MSH3: variants seen among roughly 807,000 people sequenced by gnomAD.
The protein encoded by MSH3 is DNA mismatch repair protein Msh3.
MSH3 carries 106 observed loss-of-function variants against 123.3 expected under a neutral mutation model. The ratio of observed to expected loss-of-function variants is 0.86; its 90% CI spans 0.73 to 1.01. MSH3 has a LOEUF of 1.01. Ranked by LOEUF, MSH3 falls within the 50% of genes least tolerant of loss-of-function variation. The pLI, the probability that MSH3 is intolerant of heterozygous loss-of-function variation, is 0.00. For synonymous variants in MSH3, 515 were observed against 481.4 expected, an observed-to-expected ratio of 1.07 and a Z score of -0.91; for missense variants, 1,459 against 1,347.6, an observed-to-expected ratio of 1.08 and a Z score of -1.29.
chr5:80,867,741 C>T (rs767168991), intron 22 of MSH3, among the ~76,000 whole-genome samples: 1 of 152,148 alleles, frequency 6.6e-6, no homozygotes, highest in Non-Finnish European at 1.5e-5. Context: ...TGAAAAGTAT[C>T]TGTTCATGTC....
At chr5:80,750,042 T>C (rs565934656) in intron 12 of MSH3, among the ~76,000 whole-genome samples, 1 of 150,662 alleles carries the variant, frequency 6.6e-6, no homozygotes, top group African/African-American at 2.4e-5. Context: ...TGATAGAATT[T>C]ACTGCTTTTT....
In MSH3 at chr5:80,672,818, A is replaced by G. The variant is rs1580552301; in HGVS notation, c.987A>G (p.Lys329=). The change falls in exon 6 of 24, where the codon AAA becomes AAG. Residue 329 remains lysine (K), a synonymous_variant. Coordinates refer to ENST00000265081, the MANE Select transcript of MSH3 (RefSeq NM_002439.5). ...ACAGAAGTTCACTCTTTTCCCGGAA[A>G]TTGACTGCCCTTTATACAAAATCTA... ...GDNRSSLFSR[K]LTALYTKSTL... 2 of 1,614,076 alleles carry G rather than the reference A, an allele frequency of 1.2e-6. No homozygotes were observed. Among genetic ancestry groups the G allele is most frequent in the South Asian group, 2.2e-5 (2 of 91,082 alleles).
chr5:80,788,925 A>G (rs1444413375), intron 18 of MSH3, among the ~76,000 whole-genome samples: 3 of 152,100 alleles, frequency 2.0e-5, no homozygotes, highest in Non-Finnish European at 4.4e-5. Context: ...CATAGGTGTC[A>G]TCAGTATGCT....
intron 20 of MSH3, among the ~76,000 whole-genome samples, chr5:80,845,735 G>A (rs1244327098): frequency 1.3e-5 from 2 of 152,152 alleles, no homozygotes; most frequent in African/African-American, 2.4e-5. Flanking sequence ...TTCTCATGCC[G>A]TGGTTTTCAG....
chr5:80,683,813 G>C (rs918111059), intron 8 of MSH3, among the ~76,000 whole-genome samples: 10 of 152,150 alleles, frequency 6.6e-5, no homozygotes, highest in African/African-American at 1.9e-4. Flanking sequence ...TCATTTCATA[G>C]TGTGACATTT....
Position 80,761,546 on chromosome 5 carries a change from G to A in MSH3, c.1764G>A (p.Arg588=), listed in dbSNP as rs1744033286. Residue 588 remains arginine (R), a splice_region_variant and synonymous_variant, in exon 13 of 24, where the codon AGG becomes AGA. Coordinates refer to ENST00000265081, the MANE Select transcript of MSH3 (RefSeq NM_002439.5). The stretch of plus-strand genomic sequence containing the variant: ...TATTGCTATTACTCTTTTCTCACAG[G>A]GAAATAAATGCCCGGCTTGATGCTG... ...KWVTQPLLKL[R]EINARLDAVS... 6.2e-7 allele frequency: 1 copy of A among 1,613,978 alleles called. No homozygotes were observed. The highest frequency in any genetic ancestry group is 2.2e-5 in the East Asian group (1 of 44,874).
intron 12 of MSH3, among the ~76,000 whole-genome samples, chr5:80,745,726 C>A (rs959436737): frequency 1.3e-5 from 2 of 152,232 alleles, no homozygotes; most frequent in African/African-American, 4.8e-5. Context: ...AACACCTCAT[C>A]ACAGCATTGC....
chr5:80,809,478 T>C (rs1481488937), intron 19 of MSH3, among the ~76,000 whole-genome samples: 1 of 152,210 alleles, frequency 6.6e-6, no homozygotes, highest in African/African-American at 2.4e-5. Flanking sequence ...TTCTACAAAA[T>C]AAAAAGTGTA....
intron 21 of MSH3, among the ~76,000 whole-genome samples, chr5:80,854,866 A>G (rs1364622806): frequency 1.3e-5 from 2 of 152,156 alleles, no homozygotes; most frequent in Non-Finnish European, 2.9e-5. Context: ...GTGAACCCTA[A>G]ATCAAGAACA....
At chr5:80,656,103 G>A (rs554149412) in intron 1 of MSH3, among the ~76,000 whole-genome samples, 1 of 152,178 alleles carries the variant, frequency 6.6e-6, no homozygotes, top group South Asian at 2.1e-4. Context: ...TGTAAGTAGG[G>A]TGATTCAAGT....
chr5:80,729,486 TTCTG>T (rs1176293392), intron 10 of MSH3, among the ~76,000 whole-genome samples: 1 of 144,488 alleles, frequency 6.9e-6, no homozygotes, highest in Non-Finnish European at 1.5e-5. Context: ...ATATAAAGAA[TTCTG>T]TCAAATAAAT....
At position 80,751,428 on chromosome 5, in the gene MSH3, C is replaced by G. The variant is rs1170467864; in HGVS notation, c.1763+6813C>G. Among the ~76,000 whole-genome samples the G allele has an allele frequency of 2.0e-5, 3 of 152,124 alleles. 1 individual carries two copies. Among genetic ancestry groups the G allele is most frequent in the Admixed American group, 1.3e-4 (2 of 15,256 alleles). ...AAACAAGCAATGGGGAAAGGATTCTCTATGTGATAAATTTTGCTGGGAAAA... is the reference window on the plus strand; with the variant it reads ...AAACAAGCAATGGGGAAAGGATTCTGTATGTGATAAATTTTGCTGGGAAAA... On this transcript the variant is annotated intron_variant, in intron 12 of 23. Transcript: ENST00000265081.
intron 19 of MSH3, among the ~76,000 whole-genome samples, chr5:80,801,323 G>C (rs1176201855): frequency 2.0e-5 from 3 of 152,194 alleles, no homozygotes; most frequent in Admixed American, 6.5e-5. Flanking sequence ...ACTGGGCATG[G>C]AGACAGGAGG....
chr5:80,773,689 C>T (rs1361827950), intron 15 of MSH3, among the ~76,000 whole-genome samples: 1 of 152,158 alleles, frequency 6.6e-6, no homozygotes, highest in Non-Finnish European at 1.5e-5. Flanking sequence ...GACAACCACA[C>T]AGTTTCTGGG....
At chr5:80,768,738 T>G (rs1203084635) in intron 14 of MSH3, 97 bp from the exon 15 acceptor site, 6 of 1,093,410 alleles carry the variant, frequency 5.5e-6, no homozygotes, top group Non-Finnish European at 8.1e-6. Flanking sequence ...TTTTCTGACT[T>G]CCAGTGCTTT....
At position 80,692,665 on chromosome 5, in the gene MSH3, CAT is replaced by C. The variant is rs995751029; in HGVS notation, c.1340+13573_1340+13574del. On this transcript the variant is annotated intron_variant, in intron 8 of 23. Transcript: ENST00000265081. Reference sequence around the variant, plus strand: ...ATGTTTATATAGATATATATATACACATGTATATGTTTATGTTTATATAGATA... The same window carrying C: ...ATGTTTATATAGATATATATATACACGTATATGTTTATGTTTATATAGATA... Among the ~76,000 whole-genome samples, 48 of 139,982 alleles carry C rather than the reference CAT, an allele frequency of 3.4e-4. No homozygotes were observed. The South Asian group carries it at 9.2e-3, about 27-fold the overall frequency. The allele number at this position is 139,982 out of a possible 152,430, so 91.8% of individuals were successfully genotyped here.
intron 12 of MSH3, among the ~76,000 whole-genome samples, chr5:80,745,758 C>G (rs1204509069): frequency 1.3e-5 from 2 of 152,188 alleles, no homozygotes; most frequent in African/African-American, 4.8e-5. Flanking sequence ...AAATTTTGAG[C>G]TCTTTATCTC....
chr5:80,680,104 A>T (rs1045471848), intron 8 of MSH3, among the ~76,000 whole-genome samples: 4 of 151,696 alleles, frequency 2.6e-5, no homozygotes, highest in Non-Finnish European at 4.4e-5. Context: ...AAAAAAAAAT[A>T]CAAAAATTAG....
rs32951 is a variant in MSH3, at chr5:80,725,349, A to C, written c.1341-104A>C. 0.24 allele frequency: 183,060 copies of C among 763,430 alleles called. 23,027 individuals carry two copies. Among genetic ancestry groups the C allele is most frequent in the Non-Finnish European group, 0.27 (118,026 of 442,520 alleles). 47.3% of individuals were successfully genotyped at this position (763,430 alleles called of 1,614,324 possible). On this transcript the variant is annotated intron_variant, in intron 8 of 23. Coordinates refer to ENST00000265081, the MANE Select transcript of MSH3 (RefSeq NM_002439.5). ...TTCTTCAACTTGGGAAAGAATAAGG[A>C]ATAAATCTTTATCTTTTTTTTTTCC...
Sources: allele counts gnomAD v4.1 joint callset (sites outside exome capture counted in the v4.1 genomes callset), GRCh38; gene constraint gnomAD v4.1.1; transcripts MANE v1.5; gene names NCBI Gene and HGNC (gene_info 2026-07-23, HGNC 2026-07-21).